The following DLGAP1 variants were observed in gnomAD, a reference collection of about 807,000 sequenced individuals.
DLGAP1 encodes disks large-associated protein 1.
In DLGAP1, 11 loss-of-function variants were observed where a neutral mutation model predicts 90.8. The ratio of observed to expected loss-of-function variants is 0.12; its 90% CI spans 0.08 to 0.20. DLGAP1 has a LOEUF of 0.20. Ranked by LOEUF, DLGAP1 falls within the 10% of genes least tolerant of loss-of-function variation. DLGAP1 has a pLI of 1.00. For synonymous variants in DLGAP1, 558 were observed against 540.7 expected (o/e 1.03, Z -0.44); for missense variants, 1,050 against 1,333.8 (o/e 0.79, Z 3.31).
At chr18:3,603,888 T>G (rs2057196494) in intron 7 of DLGAP1, 1 of 154,088 alleles carries the variant, frequency 6.5e-6, no homozygotes, top group African/African-American at 2.4e-5. Context: ...CTACCACCAC[T>G]CCCTATGGCT....
chr18:4,363,013 A>G (rs2081662543), intron 1 of DLGAP1, among the ~76,000 whole-genome samples: 1 of 152,094 alleles, frequency 6.6e-6, no homozygotes, highest in Non-Finnish European at 1.5e-5. Flanking sequence ...CAAACAAACC[A>G]GAAAAGCCAA....
chr18:3,606,135 C>T (rs531080450), intron 7 of DLGAP1, among the ~76,000 whole-genome samples: 1 of 152,294 alleles, frequency 6.6e-6, no homozygotes, highest in South Asian at 2.1e-4. Flanking sequence ...GAGGCCATTC[C>T]TCAGAGGCAC....
Position 3,502,665 on chromosome 18 carries a change from ACATT to A in DLGAP1, c.2572-24_2572-21del. ...AGGATTCTGCACAAGAGAAAGAAAA[ACATT>A]CATGCTTTAGAAGCAATTCTTGACA... On this transcript the variant is annotated intron_variant, in intron 11 of 12. Transcript: ENST00000315677. 1 of 1,593,088 alleles carries A rather than the reference ACATT, an allele frequency of 6.3e-7. No homozygotes were observed. The highest frequency in any genetic ancestry group is 8.5e-7 in the Non-Finnish European group (1 of 1,172,956).
chr18:3,520,983 CTGTGCT>C (rs1301362065), intron 10 of DLGAP1, among the ~76,000 whole-genome samples: 1 of 152,172 alleles, frequency 6.6e-6, no homozygotes, highest in Non-Finnish European at 1.5e-5. Context: ...TCTGCCTTCC[CTGTGCT>C]TGGTAGAATT....
At chr18:4,238,347 T>C (rs1028060851) in intron 1 of DLGAP1, among the ~76,000 whole-genome samples, 3 of 152,162 alleles carry the variant, frequency 2.0e-5, no homozygotes, top group African/African-American at 4.8e-5. Context: ...CCCTGATACA[T>C]AGAATAAAAA....
Position 3,999,197 on chromosome 18 carries a change from G to C in DLGAP1, c.-73+5919C>G, listed in dbSNP as rs371280744. Among the ~76,000 whole-genome samples, 23 of 151,772 alleles carry C rather than the reference G, an allele frequency of 1.5e-4. 2 individuals carry two copies. Among genetic ancestry groups the C allele is most frequent in the African/African-American group, 3.6e-4 (15 of 41,382 alleles). On this transcript the variant is annotated intron_variant, in intron 3 of 12. Transcript: ENST00000315677. ...ATTTGTATACAAATTATACAAAATTGATATATATTTGTATTTTTTATCCCG... is the reference window on the plus strand; with the variant it reads ...ATTTGTATACAAATTATACAAAATTCATATATATTTGTATTTTTTATCCCG...
chr18:4,097,237 C>G (rs2075698068), intron 2 of DLGAP1, among the ~76,000 whole-genome samples: 1 of 152,214 alleles, frequency 6.6e-6, no homozygotes. Context: ...TATGCTCAGT[C>G]CGTGGTGGGG....
intron 1 of DLGAP1, among the ~76,000 whole-genome samples, chr18:4,337,130 A>AG (rs901798237): frequency 1.6e-5 from 2 of 125,114 alleles, no homozygotes; most frequent in African/African-American, 5.8e-5. Context: ...AAGAAAAAAG[A>AG]AAAAAAAAAA....
chr18:3,530,104 T>A (rs1167366026), intron 10 of DLGAP1, among the ~76,000 whole-genome samples: 1 of 151,812 alleles, frequency 6.6e-6, no homozygotes, highest in African/African-American at 2.4e-5. Context: ...TTTCCAAGAG[T>A]CCTGTTGAAA....
chr18:3,908,600 G>C (rs1301755974), intron 3 of DLGAP1, among the ~76,000 whole-genome samples: 2 of 152,116 alleles, frequency 1.3e-5, no homozygotes. Flanking sequence ...GTTTTTAATA[G>C]ATACACTATT....
chr18:4,368,354 A>G (rs554287006), intron 1 of DLGAP1, among the ~76,000 whole-genome samples: 1 of 152,288 alleles, frequency 6.6e-6, no homozygotes, highest in East Asian at 1.9e-4. Context: ...TGTTTCTGTG[A>G]AGGTAGGCTT....
At position 3,978,799 on chromosome 18, in the gene DLGAP1, T is replaced by C. The variant is rs772780417; in HGVS notation, c.-73+26317A>G. ...TTTTTTATGGGTTGACGTTGCACAC[T>C]TAACTTCTTCCACTTGGAATTTACT... is the stretch of plus-strand genomic sequence containing the variant. On this transcript the variant is annotated intron_variant, in intron 3 of 12. Coordinates refer to ENST00000315677, the MANE Select transcript of DLGAP1 (RefSeq NM_004746.4). 2.6e-5 allele frequency among the ~76,000 whole-genome samples: 4 copies of C among 152,232 alleles called. No homozygotes were observed. In the South Asian group the frequency reaches 6.2e-4, roughly 24 times the overall value.
chr18:4,115,950 GTCTT>G (rs1363184029), intron 2 of DLGAP1, among the ~76,000 whole-genome samples: 3 of 152,162 alleles, frequency 2.0e-5, no homozygotes, highest in Non-Finnish European at 4.4e-5. Flanking sequence ...CAATTACACT[GTCTT>G]TCTTACTGAC....
At chr18:4,096,283 C>A (rs2075677574) in intron 2 of DLGAP1, among the ~76,000 whole-genome samples, 1 of 152,086 alleles carries the variant, frequency 6.6e-6, no homozygotes, top group Non-Finnish European at 1.5e-5. Flanking sequence ...CCTCGGCCTC[C>A]CAAAGTGCTG....
At chr18:4,175,835 T>C (rs952666150) in intron 1 of DLGAP1, among the ~76,000 whole-genome samples, 1 of 152,220 alleles carries the variant, frequency 6.6e-6, no homozygotes, top group Non-Finnish European at 1.5e-5. Context: ...TGTAACCTTG[T>C]AGTATAATTT....
chr18:4,246,875 A>C (rs913711162), intron 1 of DLGAP1, among the ~76,000 whole-genome samples: 2 of 26,606 alleles, frequency 7.5e-5, no homozygotes, highest in African/African-American at 1.3e-4. Context: ...CAGAAAAAGA[A>C]AAGAAAAAGC....
In DLGAP1 at chr18:4,428,720, G is replaced by A. The variant is rs532397193; in HGVS notation, c.-267+26286C>T. Reference sequence around the variant, plus strand: ...AGAGGCAGATGTTGCCATGCTTCCTGTACAGCTGTGGAACCATGAGCCAAT... The same window carrying A: ...AGAGGCAGATGTTGCCATGCTTCCTATACAGCTGTGGAACCATGAGCCAAT... On this transcript the variant is annotated intron_variant, in intron 1 of 12. Coordinates refer to ENST00000315677, the MANE Select transcript of DLGAP1 (RefSeq NM_004746.4). 1.1e-3 allele frequency among the ~76,000 whole-genome samples: 175 copies of A among 152,252 alleles called. 1 individual carries two copies. The highest frequency in any genetic ancestry group is 4.0e-3 in the African/African-American group (167 of 41,530).
intron 7 of DLGAP1, among the ~76,000 whole-genome samples, chr18:3,682,605 C>G (rs1182886825): frequency 6.6e-6 from 1 of 152,186 alleles, no homozygotes; most frequent in Non-Finnish European, 1.5e-5. Flanking sequence ...CTGACTCTCT[C>G]TAAGAAGGTG....
intron 9 of DLGAP1, among the ~76,000 whole-genome samples, chr18:3,557,437 G>A (rs896198223): frequency 2.0e-5 from 3 of 152,128 alleles, no homozygotes; most frequent in South Asian, 2.1e-4. Context: ...CAGGAGAATC[G>A]CTTGAACTTG....
Sources: allele counts gnomAD v4.1 joint callset (sites outside exome capture counted in the v4.1 genomes callset), GRCh38; gene constraint gnomAD v4.1.1; transcripts MANE v1.5; gene names NCBI Gene and HGNC (gene_info 2026-07-23, HGNC 2026-07-21).